RSRC1: variants seen among roughly 807,000 people sequenced by gnomAD.
RSRC1 encodes the protein serine/Arginine-related protein 53.
RSRC1 carries 39 observed loss-of-function variants against 49.1 expected under a neutral mutation model. The ratio of observed to expected loss-of-function variants is 0.79; its 90% CI spans 0.61 to 1.04. The LOEUF is 1.04. Ranked by LOEUF, RSRC1 falls within the 50% of genes least tolerant of loss-of-function variation. The pLI, the probability that RSRC1 is intolerant of heterozygous loss-of-function variation, is 0.00. For synonymous variants in RSRC1, 143 were observed against 130.8 expected, an observed-to-expected ratio of 1.09 and a Z score of -0.63; for missense variants, 388 against 402.4, an observed-to-expected ratio of 0.96 and a Z score of 0.31.
intron 7 of RSRC1, among the ~76,000 whole-genome samples, chr3:158,489,195 T>TAAAAATTAAG: frequency 6.6e-6 from 1 of 152,374 alleles, no homozygotes; most frequent in East Asian, 1.9e-4. Flanking sequence ...TCAGCCTTAA[T>TAAAAATTAAG]TTTTGAAAAC....
chr3:158,124,631 T>TC (rs1163335511), intron 3 of RSRC1, among the ~76,000 whole-genome samples: 1 of 152,150 alleles, frequency 6.6e-6, no homozygotes, highest in African/African-American at 2.4e-5. Flanking sequence ...TTCTCTTCCT[T>TC]CATGATTCAG....
intron 4 of RSRC1, chr3:158,275,881 G>A: frequency 1.6e-6 from 1 of 637,308 alleles, no homozygotes; most frequent in East Asian, 3.6e-5. Flanking sequence ...TAATTGTGTG[G>A]TGGAACTTAT....
At chr3:158,222,764 A>G (rs1020482714) in intron 4 of RSRC1, among the ~76,000 whole-genome samples, 14 of 151,750 alleles carry the variant, frequency 9.2e-5, no homozygotes, top group Admixed American at 4.6e-4. Context: ...TGTCAATGGA[A>G]GAAATGTCTT....
At chr3:158,166,659 T>C (rs894633240) in intron 3 of RSRC1, among the ~76,000 whole-genome samples, 1 of 152,192 alleles carries the variant, frequency 6.6e-6, no homozygotes, top group African/African-American at 2.4e-5. Flanking sequence ...GGCTTAAATG[T>C]GAATCAGGCA....
chr3:158,487,316 C>T (rs185044309), intron 7 of RSRC1, among the ~76,000 whole-genome samples: 96 of 152,246 alleles, frequency 6.3e-4, no homozygotes, highest in African/African-American at 2.1e-3. Context: ...CCATGATTTC[C>T]GATCAGAATA....
chr3:158,452,157 GATAAAA>G (rs1737079569), intron 6 of RSRC1, among the ~76,000 whole-genome samples: 1 of 152,070 alleles, frequency 6.6e-6, no homozygotes, highest in African/African-American at 2.4e-5. Context: ...TAAGAAACAA[GATAAAA>G]AGAGCATTAA....
intron 3 of RSRC1, among the ~76,000 whole-genome samples, chr3:158,195,016 A>C (rs1175547147): frequency 2.6e-5 from 4 of 152,144 alleles, no homozygotes; most frequent in African/African-American, 9.7e-5. Context: ...TATACCCAGT[A>C]ATGGGATGGC....
intron 3 of RSRC1, among the ~76,000 whole-genome samples, chr3:158,155,598 CTTT>C (rs34972266): frequency 7.5e-6 from 1 of 133,958 alleles, no homozygotes; most frequent in Non-Finnish European, 1.6e-5. Flanking sequence ...AGCCTAGCTA[CTTT>C]TTTTTTTTTT....
intron 6 of RSRC1, among the ~76,000 whole-genome samples, chr3:158,384,216 T>C (rs149813387): frequency 8.4e-4 from 128 of 152,214 alleles, no homozygotes; most frequent in Middle Eastern, 3.4e-3. Flanking sequence ...AAGAAACTCT[T>C]CTGCACTCCA....
chr3:158,117,792 T>A (rs1197355594), intron 1 of RSRC1, among the ~76,000 whole-genome samples: 1 of 152,184 alleles, frequency 6.6e-6, no homozygotes, highest in Non-Finnish European at 1.5e-5. Context: ...ATGCTGAGCT[T>A]TTCTATTCTT....
chr3:158,471,173 T>G (rs1738119189), intron 7 of RSRC1, among the ~76,000 whole-genome samples: 1 of 152,198 alleles, frequency 6.6e-6, no homozygotes, highest in African/African-American at 2.4e-5. Context: ...TACTTTCTCC[T>G]TAAGGCAGAA....
intron 6 of RSRC1, among the ~76,000 whole-genome samples, chr3:158,414,994 T>G (rs1270771547): frequency 2.6e-5 from 4 of 152,136 alleles, no homozygotes; most frequent in Non-Finnish European, 4.4e-5. Flanking sequence ...TGTTCAGGTT[T>G]AACTCTTCGA....
chr3:158,506,443 G>T (rs1011247825), intron 7 of RSRC1, among the ~76,000 whole-genome samples: 1 of 151,790 alleles, frequency 6.6e-6, no homozygotes, highest in Non-Finnish European at 1.5e-5. Context: ...AGGGAGGTGG[G>T]TATTTAGAGA....
intron 6 of RSRC1, among the ~76,000 whole-genome samples, chr3:158,435,046 T>C (rs1735975699): frequency 6.6e-6 from 1 of 151,926 alleles, no homozygotes. Flanking sequence ...TTATCATAAA[T>C]CAAAAATATT....
intron 8 of RSRC1, among the ~76,000 whole-genome samples, chr3:158,542,301 C>T (rs144822667): frequency 1.6e-3 from 245 of 152,194 alleles, no homozygotes; most frequent in African/African-American, 5.4e-3. Context: ...GAGGCCAAGG[C>T]GGGCTGATCA....
chr3:158,124,232 T>C (rs981510058), intron 3 of RSRC1, among the ~76,000 whole-genome samples: 1 of 152,200 alleles, frequency 6.6e-6, no homozygotes, highest in Non-Finnish European at 1.5e-5. Flanking sequence ...GGCCGGGGTG[T>C]ACGTGGCTTC....
At chr3:158,262,574 A>C (rs1410331577) in intron 4 of RSRC1, among the ~76,000 whole-genome samples, 1 of 152,148 alleles carries the variant, frequency 6.6e-6, no homozygotes, top group African/African-American at 2.4e-5. Flanking sequence ...CAAATTTTAT[A>C]ATCATCTTGT....
intron 6 of RSRC1, among the ~76,000 whole-genome samples, chr3:158,361,271 G>A (rs1731454584): frequency 6.6e-6 from 1 of 152,172 alleles, no homozygotes; most frequent in Non-Finnish European, 1.5e-5. Flanking sequence ...TGTGTTGCTG[G>A]CCAGGTCCTC....
intron 7 of RSRC1, among the ~76,000 whole-genome samples, chr3:158,487,271 A>G (rs1738850470): frequency 7.0e-6 from 1 of 143,174 alleles, no homozygotes; most frequent in South Asian, 2.4e-4. Flanking sequence ...TTAACCAGTA[A>G]CTGATTTAAA....
Sources: allele counts gnomAD v4.1 joint callset (sites outside exome capture counted in the v4.1 genomes callset), GRCh38; gene constraint gnomAD v4.1.1; transcripts MANE v1.5; gene names NCBI Gene and HGNC (gene_info 2026-07-23, HGNC 2026-07-21).